AREL1: variants seen among roughly 807,000 people sequenced by gnomAD.
The protein encoded by AREL1 is apoptosis resistant E3 ubiquitin protein ligase 1, also known as apoptosis-resistant E3 ubiquitin protein ligase 1.
A neutral mutation model predicts 99.0 loss-of-function variants in AREL1; 62 were observed. That is an observed-to-expected ratio of 0.63 (90% confidence interval 0.51 to 0.77). The LOEUF (loss-of-function observed/expected upper bound fraction) is 0.77. Among genes scored for constraint, AREL1 ranks in the 30% least tolerant of loss-of-function variants. AREL1 has a pLI of 0.00. For synonymous variants in AREL1, 380 were observed against 376.5 expected (o/e 1.01, Z -0.11); for missense variants, 879 against 1,027.6 (o/e 0.86, Z 1.98).
In AREL1 at chr14:74,667,335, T is replaced by C. The variant is rs759045104; in HGVS notation, c.2087A>G (p.Asp696Gly). 11 of 1,613,974 alleles carry C rather than the reference T, an allele frequency of 6.8e-6. No homozygotes were observed. Among genetic ancestry groups the C allele is most frequent in the Non-Finnish European group, 9.3e-6 (11 of 1,180,016 alleles). Residue 696 changes from aspartate (D) to glycine (G), a missense_variant, in exon 17 of 20, where the codon GAT becomes GGT. By Grantham distance (94) the Asp-to-Gly change is moderately conservative. Coordinates refer to ENST00000356357, the MANE Select transcript of AREL1 (RefSeq NM_001039479.2). ...LVPENLLAIFDENELELLMCG... is the reference protein window; with the variant it reads ...LVPENLLAIFGENELELLMCG... ...ATCACTTACCTCAAGCTCATTCTCA[T>C]CAAAAATAGCCAAAAGGTTCTCAGG... is the stretch of plus-strand genomic sequence containing the variant.
chr14:74,676,531 A>G, intron 6 of AREL1, 52 bp downstream of exon 6: 3 of 1,570,150 alleles, frequency 1.9e-6, no homozygotes, highest in Non-Finnish European at 2.6e-6. Flanking sequence ...AGAATAACAG[A>G]GAAAGGAGCC....
intron 1 of AREL1, among the ~76,000 whole-genome samples, chr14:74,700,250 G>C (rs1366115729): frequency 6.6e-6 from 1 of 152,208 alleles, no homozygotes; most frequent in Non-Finnish European, 1.5e-5. Context: ...TCAACCATAT[G>C]AGGAAAGCAT....
chr14:74,691,732 G>C (rs1459218197), intron 2 of AREL1, among the ~76,000 whole-genome samples: 1 of 152,140 alleles, frequency 6.6e-6, no homozygotes. Flanking sequence ...TCTGTCTCAA[G>C]GGACTGTTAG....
intron 5 of AREL1, among the ~76,000 whole-genome samples, chr14:74,678,695 C>CAA (rs71119311): frequency 1.0e-4 from 10 of 95,378 alleles, no homozygotes; most frequent in African/African-American, 2.0e-4. Context: ...CATGTATAAG[C>CAA]AAAAAAAAAA....
rs2089114105 is a variant in AREL1 at position 74,662,813 on chromosome 14, T to G, written c.*907A>C. ...CTAATCTTTTGCTACAAAATTTTCT[T>G]CAGTAGAATGCTAAAGGATCCCCAG... On this transcript the variant is annotated 3_prime_UTR_variant, in exon 20 of 20. Transcript: ENST00000356357. 2.6e-6 allele frequency: 1 copy of G among 387,940 alleles called. No homozygotes were observed. Among genetic ancestry groups the G allele is most frequent in the Admixed American group, 4.5e-5 (1 of 22,384 alleles). 24.0% of individuals were successfully genotyped at this position (387,940 alleles called of 1,614,324 possible). A position where few individuals can be genotyped will look rare whatever the true frequency, so the allele number is the denominator to read the frequency against.
At chr14:74,675,121 T>A (rs1412375779) in intron 8 of AREL1, among the ~76,000 whole-genome samples, 1 of 152,216 alleles carries the variant, frequency 6.6e-6, no homozygotes, top group East Asian at 1.9e-4. Context: ...CAATTATCAA[T>A]TCATAGCCAA....
intron 5 of AREL1, among the ~76,000 whole-genome samples, 177 bp from the exon 6 acceptor site, chr14:74,676,929 T>A (rs1486538244): frequency 6.6e-6 from 1 of 152,100 alleles, no homozygotes; most frequent in Non-Finnish European, 1.5e-5. Context: ...CCCGAGTAGC[T>A]GGGACTATAG....
intron 5 of AREL1, 36 bp downstream of exon 5, chr14:74,683,260 G>A: frequency 1.4e-6 from 2 of 1,428,336 alleles, no homozygotes; most frequent in South Asian, 1.2e-5. Flanking sequence ...GAGAGGGAAG[G>A]AGACAAAGGG....
rs2089454864 is a variant in AREL1 at position 74,675,731 on chromosome 14, G to C, written c.1048C>G (p.Pro350Ala). ...ECHTPEKVKK[P>A]KKVYCYVSPK... ...GACACATAGCAGTACACCTTCTTCG[G>C]TTTCTTCACCTTCTCAGGGGTGTGG... The change falls in exon 8 of 20, where the codon CCG becomes GCG. Residue 350 changes from proline (P) to alanine (A), a missense_variant. Pro to Ala is a conservative substitution (Grantham distance 27, BLOSUM62 -1). Transcript: ENST00000356357. The C allele has an allele frequency of 1.2e-6, 2 of 1,613,978 alleles. No homozygotes were observed. Among genetic ancestry groups the C allele is most frequent in the Non-Finnish European group, 1.7e-6 (2 of 1,180,016 alleles).
intron 9 of AREL1, among the ~76,000 whole-genome samples, chr14:74,673,772 T>TA (rs2089410937): frequency 6.6e-6 from 1 of 152,228 alleles, no homozygotes; most frequent in South Asian, 2.1e-4. Context: ...TCTATTAACT[T>TA]AGTCTTGAAG....
In AREL1 at chr14:74,661,715, TA is replaced by T. The variant is rs995169702; in HGVS notation, c.*2004del. On this transcript the variant is annotated 3_prime_UTR_variant, in exon 20 of 20. Coordinates refer to ENST00000356357, the MANE Select transcript of AREL1 (RefSeq NM_001039479.2). ...CACAATAGTGCCAAAGGGTTTTGTT[TA>T]ACAAAGACTGGTGCCTAAGGACCAC... The T allele has an allele frequency of 6.2e-6, 1 of 160,082 alleles. No homozygotes were observed. The highest frequency in any genetic ancestry group is 1.4e-5 in the Non-Finnish European group (1 of 73,140). The allele number at this position is 160,082 out of a possible 1,614,324, so 9.9% of individuals were successfully genotyped here.
chr14:74,684,490 G>C lies in AREL1; in HGVS notation c.207C>G (p.Pro69=). ...SCKVSWDWKD[P]YEVGHSMAFR... Reference sequence around the variant, plus strand: ...AGGCCATGCTGTGGCCCACCTCATAGGGGTCCTTCCAATCCCAGGAGACTT... The same window carrying C: ...AGGCCATGCTGTGGCCCACCTCATACGGGTCCTTCCAATCCCAGGAGACTT... Residue 69 remains proline, a synonymous_variant, in exon 4 of 20, where the codon CCC becomes CCG. Coordinates refer to ENST00000356357, the MANE Select transcript of AREL1 (RefSeq NM_001039479.2). 1 of 1,614,130 alleles carries C rather than the reference G, an allele frequency of 6.2e-7. No individual in the cohort carries two copies. Among genetic ancestry groups the C allele is most frequent in the East Asian group, 2.2e-5 (1 of 44,876 alleles).
intron 14 of AREL1, 85 bp from the exon 15 acceptor site, chr14:74,669,859 C>T (rs1054484064): frequency 8.2e-6 from 13 of 1,583,484 alleles, no homozygotes; most frequent in East Asian, 2.2e-5. Context: ...ATCCCTTCAA[C>T]CTTAAAAATT....
chr14:74,675,064 A>G (rs140221756), intron 8 of AREL1, among the ~76,000 whole-genome samples: 16 of 152,380 alleles, frequency 1.1e-4, no homozygotes, highest in African/African-American at 3.8e-4. Flanking sequence ...TTTCAAACAC[A>G]TACTAAAGAA....
chr14:74,667,086 CTTTCA>C (rs1282999663), intron 17 of AREL1, among the ~76,000 whole-genome samples: 1 of 152,148 alleles, frequency 6.6e-6, no homozygotes, highest in Non-Finnish European at 1.5e-5. Flanking sequence ...CTACTTGCTA[CTTTCA>C]TTTATTTATC....
rs1322494746 is a variant in AREL1 at position 74,692,182 on chromosome 14, A to G, written c.-187T>C. On this transcript the variant is annotated 5_prime_UTR_variant, in exon 2 of 20. The change abolishes an upstream ATG in the 5' untranslated region. Transcript: ENST00000356357. ...CAAGGTCAACAGAAAGGGTCTATCCATCAGACTTTGTCACAGTAATCAGGT... is the reference window on the plus strand; with the variant it reads ...CAAGGTCAACAGAAAGGGTCTATCCGTCAGACTTTGTCACAGTAATCAGGT... The G allele has an allele frequency of 6.6e-6, 3 of 453,998 alleles. No individual in the cohort carries two copies. Among genetic ancestry groups the G allele is most frequent in the South Asian group, 3.1e-5 (2 of 63,832 alleles). 28.1% of individuals were successfully genotyped at this position (453,998 alleles called of 1,614,324 possible).
intron 2 of AREL1, among the ~76,000 whole-genome samples, chr14:74,690,264 CAAAAAAAAAAA>C (rs5809676): frequency 1.4e-3 from 105 of 73,108 alleles, no homozygotes; most frequent in Middle Eastern, 9.3e-3. Flanking sequence ...ACCCTGTCTC[CAAAAAAAAAAA>C]AAAAAAAAAA....
chr14:74,677,239 A>C (rs1450256994), intron 5 of AREL1, among the ~76,000 whole-genome samples: 2 of 151,492 alleles, frequency 1.3e-5, no homozygotes, highest in African/African-American at 4.8e-5. Flanking sequence ...TCACACGTGT[A>C]ATCCCAGCAC....
At chr14:74,694,271 A>G (rs911182890) in intron 1 of AREL1, among the ~76,000 whole-genome samples, 2 of 152,240 alleles carry the variant, frequency 1.3e-5, no homozygotes, top group African/African-American at 2.4e-5. Context: ...ACCAGCTTAA[A>G]GGATCCACAA....
Sources: allele counts gnomAD v4.1 joint callset (sites outside exome capture counted in the v4.1 genomes callset), GRCh38; gene constraint gnomAD v4.1.1; transcripts MANE v1.5; gene names NCBI Gene and HGNC (gene_info 2026-07-23, HGNC 2026-07-21).